FYN: variants seen among roughly 807,000 people sequenced by gnomAD.
FYN encodes tyrosine-protein kinase Fyn.
Under a neutral mutation model 70.2 loss-of-function variants are expected in FYN, and 10 were observed. That is an observed-to-expected ratio of 0.14 (90% CI 0.09 to 0.24). FYN has a LOEUF of 0.24. FYN is among the 10% of genes least tolerant of loss of function. The pLI is 1.00. For synonymous variants in FYN, 236 were observed against 248.6 expected (o/e 0.95, Z 0.48); for missense variants, 319 against 673.1 (o/e 0.47, Z 5.82).
chr6:111,868,161 T>A, intron 1 of FYN, among the ~76,000 whole-genome samples: 1 of 151,928 alleles, frequency 6.6e-6, no homozygotes, highest in Non-Finnish European at 1.5e-5. Flanking sequence ...TTCTGCACAC[T>A]CTCTGCCATC....
intron 3 of FYN, among the ~76,000 whole-genome samples, chr6:111,732,539 C>T (rs1801513241): frequency 1.3e-5 from 2 of 152,192 alleles, no homozygotes; most frequent in South Asian, 4.1e-4. Context: ...CTGCTATCCC[C>T]TCGCTGTCCC....
Position 111,686,123 on chromosome 6 carries a change from CT to C in FYN, c.1273+8251del, listed in dbSNP as rs572751745. Among the ~76,000 whole-genome samples, 641 of 152,218 alleles carry C rather than the reference CT, an allele frequency of 4.2e-3. 5 individuals are homozygous for C. Among genetic ancestry groups the C allele is most frequent in the Non-Finnish European group, 4.9e-3 (330 of 68,020 alleles). On this transcript the variant is annotated intron_variant, in intron 12 of 13. Transcript: ENST00000354650. ...CCTTTCCGGGAGGAAAATGGATGCGCTCTACAATTCATCTCCATTTCCCTGC... is the reference window on the plus strand; with the variant it reads ...CCTTTCCGGGAGGAAAATGGATGCGCCTACAATTCATCTCCATTTCCCTGC...
At chr6:111,834,295 C>T (rs530349237) in intron 2 of FYN, among the ~76,000 whole-genome samples, 1 of 152,230 alleles carries the variant, frequency 6.6e-6, no homozygotes, top group Admixed American at 6.5e-5. Flanking sequence ...CTCACACACA[C>T]ACAATGTAGA....
chr6:111,687,508 G>A (rs1045204033), intron 12 of FYN, among the ~76,000 whole-genome samples: 3 of 149,066 alleles, frequency 2.0e-5, no homozygotes, highest in East Asian at 2.1e-4. Flanking sequence ...TGTCCTTCAT[G>A]AGGATTCAAA....
intron 6 of FYN, among the ~76,000 whole-genome samples, chr6:111,707,570 C>T (rs1186059936): frequency 6.6e-6 from 1 of 152,144 alleles, no homozygotes; most frequent in Non-Finnish European, 1.5e-5. Context: ...CTCTTCCCAA[C>T]AGAGGGAGTG....
chr6:111,841,365 G>A (rs1405711928), intron 2 of FYN, among the ~76,000 whole-genome samples: 1 of 152,204 alleles, frequency 6.6e-6, no homozygotes, highest in East Asian at 1.9e-4. Flanking sequence ...TGAAAGATGT[G>A]TAAAAAAATA....
intron 13 of FYN, among the ~76,000 whole-genome samples, chr6:111,673,924 T>C (rs13203885): frequency 0.087 from 13,200 of 152,184 alleles, 793 homozygotes; most frequent in Non-Finnish European, 0.13. Context: ...TTCTTTACAT[T>C]ATACTTGCTT....
intron 2 of FYN, among the ~76,000 whole-genome samples, chr6:111,823,578 T>C (rs1038374296): frequency 3.3e-5 from 5 of 152,172 alleles, no homozygotes; most frequent in African/African-American, 1.2e-4. Flanking sequence ...ATCTAAGGGA[T>C]AAAAATCATC....
chr6:111,740,243 C>T (rs1801900242), intron 3 of FYN, among the ~76,000 whole-genome samples: 1 of 152,164 alleles, frequency 6.6e-6, no homozygotes, highest in Admixed American at 6.5e-5. Flanking sequence ...AAGGACTTCC[C>T]CTGTTGGGAA....
intron 2 of FYN, among the ~76,000 whole-genome samples, chr6:111,828,241 T>C (rs1388565962): frequency 6.6e-6 from 1 of 152,168 alleles, no homozygotes; most frequent in Admixed American, 6.5e-5. Flanking sequence ...CCCAAAGTGT[T>C]TTCTGAAAAA....
At chr6:111,855,272 A>T (rs1773795745) in intron 1 of FYN, among the ~76,000 whole-genome samples, 1 of 152,198 alleles carries the variant, frequency 6.6e-6, no homozygotes, top group African/African-American at 2.4e-5. Flanking sequence ...GTCTCATATT[A>T]TTGTAAATGC....
chr6:111,826,584 ATCT>A (rs1428655945), intron 2 of FYN, among the ~76,000 whole-genome samples: 1 of 152,178 alleles, frequency 6.6e-6, no homozygotes, highest in Non-Finnish European at 1.5e-5. Context: ...GACATACTTG[ATCT>A]TCTAGTAACT....
chr6:111,722,282 G>A (rs1583362040), intron 3 of FYN, among the ~76,000 whole-genome samples: 1 of 152,204 alleles, frequency 6.6e-6, no homozygotes, highest in East Asian at 1.9e-4. Flanking sequence ...TAAATCATTT[G>A]AGATTAACTT....
intron 1 of FYN, among the ~76,000 whole-genome samples, chr6:111,872,540 G>A (rs1417141799): frequency 1.3e-5 from 2 of 151,122 alleles, no homozygotes; most frequent in Admixed American, 1.3e-4. Context: ...GAGTGGGGCA[G>A]GGGTTGGGTG....
chr6:111,853,567 G>A (rs1055966269), intron 1 of FYN, among the ~76,000 whole-genome samples: 3 of 152,156 alleles, frequency 2.0e-5, no homozygotes, highest in African/African-American at 4.8e-5. Flanking sequence ...TCCTAATTGC[G>A]ACAGGATGAC....
chr6:111,673,146 G>A (rs375017754), intron 13 of FYN, among the ~76,000 whole-genome samples: 3 of 152,106 alleles, frequency 2.0e-5, no homozygotes, highest in South Asian at 2.1e-4. Flanking sequence ...TCACATCCTC[G>A]CCCTCCTGAG....
intron 3 of FYN, among the ~76,000 whole-genome samples, chr6:111,773,657 G>A (rs1446082432): frequency 3.0e-5 from 3 of 100,432 alleles, no homozygotes; most frequent in Non-Finnish European, 4.2e-5. Context: ...GAGAGGGGAA[G>A]AGGGAAAAGG....
At chr6:111,754,695 G>A (rs1802637972) in intron 3 of FYN, 1 of 152,114 alleles carries the variant, frequency 6.6e-6, no homozygotes, top group African/African-American at 2.4e-5. Context: ...GAGAGAAATC[G>A]TATGATGGGT....
At chr6:111,830,786 C>G (rs951374808) in intron 2 of FYN, among the ~76,000 whole-genome samples, 3 of 152,004 alleles carry the variant, frequency 2.0e-5, no homozygotes, top group Non-Finnish European at 4.4e-5. Context: ...AGGGGATGAG[C>G]TGGAAATCAA....
Sources: allele counts gnomAD v4.1 joint callset (sites outside exome capture counted in the v4.1 genomes callset), GRCh38; gene constraint gnomAD v4.1.1; transcripts MANE v1.5; gene names NCBI Gene and HGNC (gene_info 2026-07-23, HGNC 2026-07-21).